Variants in FMNL2 observed in about 807,000 individuals in gnomAD.
FMNL2 encodes formin like 2.
A neutral mutation model predicts 130.2 loss-of-function variants in FMNL2; 51 were observed. The observed-to-expected ratio is 0.39, with a 90% confidence interval of 0.31 to 0.49. The LOEUF (loss-of-function observed/expected upper bound fraction) is 0.49, where lower values mean the gene tolerates loss of function less well. Ranked by LOEUF, FMNL2 falls within the 20% of genes least tolerant of loss-of-function variation. The probability of loss-of-function intolerance (pLI) is 0.85; values close to 1 mark genes in which losing one functional copy is unlikely to be tolerated. For synonymous variants in FMNL2, 465 were observed against 467.1 expected (o/e 1.00, Z 0.06); for missense variants, 977 against 1,316.2 (o/e 0.74, Z 3.99).
intron 1 of FMNL2, among the ~76,000 whole-genome samples, chr2:152,369,332 C>G: frequency 6.6e-6 from 1 of 152,130 alleles, no homozygotes. Flanking sequence ...TTTAATGAGC[C>G]CAAAAGGTTT....
intron 1 of FMNL2, among the ~76,000 whole-genome samples, chr2:152,444,190 C>T (rs535018132): frequency 1.3e-5 from 2 of 151,964 alleles, no homozygotes; most frequent in South Asian, 2.1e-4. Context: ...GGGATTTTCA[C>T]GATGATGATG....
rs1683761953 is a variant in FMNL2 at position 152,647,951 on chromosome 2, T to C, written c.*46T>C. On this transcript the variant is annotated 3_prime_UTR_variant, in exon 26 of 26. Transcript: ENST00000288670. ...AATACAGGGTGTGCGTGAATGAAAC[T>C]GCCCACATGAACTTTATGTGCTACG... is the stretch of plus-strand genomic sequence containing the variant. The C allele has an allele frequency of 1.4e-6, 2 of 1,458,806 alleles. No homozygotes were observed. Among genetic ancestry groups the C allele is most frequent in the South Asian group, 1.2e-5 (1 of 80,394 alleles). 90.4% of individuals were successfully genotyped at this position (1,458,806 alleles called of 1,614,324 possible).
intron 1 of FMNL2, among the ~76,000 whole-genome samples, chr2:152,512,964 C>T (rs1419458446): frequency 1.3e-5 from 2 of 152,318 alleles, no homozygotes; most frequent in East Asian, 1.9e-4. Context: ...TATTCACACA[C>T]GTGCACAAAC....
chr2:152,640,831 T>A lies in FMNL2; in HGVS notation c.3086T>A (p.Ile1029Asn). Residue 1029 changes from isoleucine to asparagine, a missense_variant, in exon 25 of 26, where the codon ATT becomes AAT. Around this residue, in one of 4 missense-constraint regions of FMNL2, gnomAD observed 168 missense variants for 168.8 expected, o/e 1.00. Transcript: ENST00000288670. ...TCAAAGAGGCAGCAGCAAGAGTTAATTGCAGAATTAAGAAGACGACAAGTT... is the reference window on the plus strand; with the variant it reads ...TCAAAGAGGCAGCAGCAAGAGTTAAATGCAGAATTAAGAAGACGACAAGTT... ...HKSKRQQQEL[I>N]AELRRRQVKD... 1 of 1,613,816 alleles carries A rather than the reference T, an allele frequency of 6.2e-7. No homozygotes were observed.
intron 2 of FMNL2, among the ~76,000 whole-genome samples, chr2:152,542,232 G>A (rs79570180): frequency 0.014 from 2,141 of 152,096 alleles, 54 homozygotes; most frequent in African/African-American, 0.049. Context: ...CAATTGACTC[G>A]TTGCTCATAT....
At chr2:152,389,881 G>T in intron 1 of FMNL2, 1 of 1,020,630 alleles carries the variant, frequency 9.8e-7, no homozygotes, top group Non-Finnish European at 1.5e-6. Context: ...GGCACAGAAG[G>T]CCCGGTGGGA....
Position 152,648,809 on chromosome 2 carries a change from T to G in FMNL2, c.*904T>G, listed in dbSNP as rs763515214. ...CTCTGACAATCGCAATTTTTTCTTA[T>G]TTTTTATAAATTCAAGAAGATACAC... On this transcript the variant is annotated 3_prime_UTR_variant, in exon 26 of 26. Coordinates refer to ENST00000288670, the MANE Select transcript of FMNL2 (RefSeq NM_052905.4). 5 of 152,608 alleles carry G rather than the reference T, an allele frequency of 3.3e-5. No individual in the cohort carries two copies. Among genetic ancestry groups the G allele is most frequent in the African/African-American group, 4.8e-5 (2 of 41,452 alleles). The allele number at this position is 152,608 out of a possible 1,614,324, so 9.5% of individuals were successfully genotyped here.
chr2:152,547,878 G>A (rs980921122), intron 3 of FMNL2, among the ~76,000 whole-genome samples: 7 of 152,298 alleles, frequency 4.6e-5, no homozygotes, highest in African/African-American at 1.7e-4. Flanking sequence ...CTTAGGAGGC[G>A]CTGACATCAA....
At chr2:152,383,026 A>G (rs56322636) in intron 1 of FMNL2, among the ~76,000 whole-genome samples, 87,911 of 152,036 alleles carry the variant, frequency 0.58, 25,974 homozygotes, top group South Asian at 0.7. Flanking sequence ...CAAATGGAGA[A>G]CACATACAAT....
At chr2:152,375,885 A>G (rs1040215187) in intron 1 of FMNL2, among the ~76,000 whole-genome samples, 1 of 123,584 alleles carries the variant, frequency 8.1e-6, no homozygotes, top group Non-Finnish European at 1.7e-5. Flanking sequence ...CTCTATATAT[A>G]TATATATATA....
chr2:152,536,759 AT>A (rs1694014609), intron 2 of FMNL2, among the ~76,000 whole-genome samples: 1 of 152,142 alleles, frequency 6.6e-6, no homozygotes, highest in South Asian at 2.1e-4. Context: ...TGAGATTTCT[AT>A]TTTCAGATGT....
At chr2:152,592,707 A>G (rs1189130576) in intron 9 of FMNL2, among the ~76,000 whole-genome samples, 2 of 152,204 alleles carry the variant, frequency 1.3e-5, no homozygotes, top group Non-Finnish European at 2.9e-5. Context: ...CATCTGAGGT[A>G]GGAACATAGA....
chr2:152,515,114 C>T (rs1579855630), intron 1 of FMNL2, among the ~76,000 whole-genome samples: 1 of 152,110 alleles, frequency 6.6e-6, no homozygotes, highest in Non-Finnish European at 1.5e-5. Context: ...CATTAGAAAC[C>T]ATATTGTGTC....
At position 152,542,804 on chromosome 2, in the gene FMNL2, A is replaced by G. The variant is rs1438430026; in HGVS notation, c.267A>G (p.Pro89=). Residue 89 remains proline, a synonymous_variant, in exon 3 of 26, where the codon CCA becomes CCG. Coordinates refer to ENST00000288670, the MANE Select transcript of FMNL2 (RefSeq NM_052905.4). The part of the protein sequence containing the change: ...YIQKLKGYLD[P]AVTRKKFRRR... The stretch of plus-strand genomic sequence containing the variant: ...AAAAGCTCAAAGGCTATCTGGATCC[A>G]GCTGTAACCAGGAAGGTAAGATGGA... 1.9e-6 allele frequency: 3 copies of G among 1,613,876 alleles called. No homozygotes were observed. Among genetic ancestry groups the G allele is most frequent in the African/African-American group, 1.3e-5 (1 of 74,942 alleles).
intron 1 of FMNL2, among the ~76,000 whole-genome samples, chr2:152,371,152 A>G (rs1224630309): frequency 6.6e-6 from 1 of 152,226 alleles, no homozygotes; most frequent in Non-Finnish European, 1.5e-5. Flanking sequence ...TTTATTCCCT[A>G]GCTTAGGAAG....
chr2:152,532,257 A>G (rs1191966138), intron 2 of FMNL2, among the ~76,000 whole-genome samples: 2 of 152,206 alleles, frequency 1.3e-5, no homozygotes, highest in African/African-American at 2.4e-5. Context: ...TAAATAAATA[A>G]TATCTAAAAT....
At chr2:152,522,464 A>G (rs1399314463) in intron 2 of FMNL2, among the ~76,000 whole-genome samples, 1 of 152,214 alleles carries the variant, frequency 6.6e-6, no homozygotes, top group Non-Finnish European at 1.5e-5. Flanking sequence ...AGAAAGTTAT[A>G]TCAAGTTGAT....
intron 1 of FMNL2, among the ~76,000 whole-genome samples, chr2:152,371,011 G>A (rs1042955723): frequency 6.6e-6 from 1 of 152,166 alleles, no homozygotes; most frequent in African/African-American, 2.4e-5. Flanking sequence ...GCCTAAGTTG[G>A]TAAGTTGCTG....
chr2:152,604,690 GGT>G (rs1388791099), intron 9 of FMNL2, among the ~76,000 whole-genome samples: 2 of 152,026 alleles, frequency 1.3e-5, no homozygotes, highest in African/African-American at 4.8e-5. Context: ...CTGCCTTCTG[GGT>G]TCAAGCAATT....
Sources: allele counts gnomAD v4.1 joint callset (sites outside exome capture counted in the v4.1 genomes callset), GRCh38; gene constraint gnomAD v4.1.1; regional missense constraint gnomAD v4.1.1; transcripts MANE v1.5; gene names NCBI Gene and HGNC (gene_info 2026-07-23, HGNC 2026-07-21).